The following LEKR1 variants were observed in gnomAD, a reference collection of about 807,000 sequenced individuals.
LEKR1 encodes the protein protein LEKR1.
A neutral mutation model predicts 72.4 loss-of-function variants in LEKR1; 59 were observed. The ratio of observed to expected loss-of-function variants is 0.82; its 90% confidence interval spans 0.66 to 1.01. The LOEUF is 1.01. LEKR1 is among the 50% of genes least tolerant of loss of function. LEKR1 has a pLI of 0.00. For synonymous variants in LEKR1, 257 were observed against 263.2 expected (o/e 0.98, Z 0.23); for missense variants, 728 against 759.2 (o/e 0.96, Z 0.48).
intron 2 of LEKR1, among the ~76,000 whole-genome samples, chr3:156,844,047 C>G (rs1212572118): frequency 1.3e-5 from 2 of 151,982 alleles, no homozygotes; most frequent in African/African-American, 4.8e-5. Context: ...GTCAAAAATA[C>G]TTTTGCCAAC....
chr3:156,934,580 A>G (rs1266099221), intron 5 of LEKR1, among the ~76,000 whole-genome samples: 1 of 152,222 alleles, frequency 6.6e-6, no homozygotes, highest in Non-Finnish European at 1.5e-5. Flanking sequence ...TATTGAATTT[A>G]TAAGAGGAAA....
At chr3:157,006,950 C>T (rs1174696832) in intron 9 of LEKR1, among the ~76,000 whole-genome samples, 1 of 152,130 alleles carries the variant, frequency 6.6e-6, no homozygotes, top group Non-Finnish European at 1.5e-5. Context: ...GCCTGTAATC[C>T]CAGCACTTTG....
intron 10 of LEKR1, among the ~76,000 whole-genome samples, chr3:157,019,676 G>T (rs1258314576): frequency 6.6e-6 from 1 of 151,898 alleles, no homozygotes; most frequent in African/African-American, 2.4e-5. Flanking sequence ...TATTTATTTT[G>T]CTCAAACATA....
At chr3:156,866,634 A>T (rs970505466) in intron 3 of LEKR1, among the ~76,000 whole-genome samples, 1 of 152,036 alleles carries the variant, frequency 6.6e-6, no homozygotes, top group African/African-American at 2.4e-5. Flanking sequence ...TGATAGGTGC[A>T]TGTAGTGCTT....
intron 6 of LEKR1, among the ~76,000 whole-genome samples, chr3:156,964,571 G>A (rs1728397853): frequency 6.6e-6 from 1 of 152,120 alleles, no homozygotes; most frequent in African/African-American, 2.4e-5. Flanking sequence ...AGTTAGTTCA[G>A]AGTAGTTTTG....
At chr3:156,911,511 G>C (rs1723107348) in intron 3 of LEKR1, among the ~76,000 whole-genome samples, 1 of 152,082 alleles carries the variant, frequency 6.6e-6, no homozygotes, top group African/African-American at 2.4e-5. Flanking sequence ...AGTTTAGTTA[G>C]GTCCCTTTAT....
At chr3:156,917,529 C>A (rs1001193474) in intron 3 of LEKR1, among the ~76,000 whole-genome samples, 12 of 152,080 alleles carry the variant, frequency 7.9e-5, no homozygotes, top group African/African-American at 2.9e-4. Context: ...CACCATATAT[C>A]ACACAAAGAA....
chr3:157,044,507 T>C (rs1205245842), intron 12 of LEKR1, among the ~76,000 whole-genome samples: 2 of 152,246 alleles, frequency 1.3e-5, no homozygotes, highest in African/African-American at 2.4e-5. Flanking sequence ...TCAAGTGAGA[T>C]TCAACCCTTG....
At chr3:156,998,751 T>C (rs749309451) in intron 9 of LEKR1, among the ~76,000 whole-genome samples, 15 of 152,166 alleles carry the variant, frequency 9.9e-5, no homozygotes, top group Non-Finnish European at 1.9e-4. Flanking sequence ...AGCATAATTT[T>C]TAAGCTACAG....
intron 12 of LEKR1, among the ~76,000 whole-genome samples, chr3:157,037,800 T>C (rs1287015547): frequency 1.3e-5 from 2 of 151,980 alleles, no homozygotes; most frequent in African/African-American, 4.8e-5. Flanking sequence ...TTAGATGGGG[T>C]AGTAAGAGGA....
intron 3 of LEKR1, among the ~76,000 whole-genome samples, chr3:156,904,601 G>T (rs1320301270): frequency 6.6e-6 from 1 of 150,554 alleles, no homozygotes; most frequent in Non-Finnish European, 1.5e-5. Flanking sequence ...CTGGACTGCA[G>T]ACACGCCACA....
At chr3:157,006,053 C>T (rs1732402589) in intron 9 of LEKR1, among the ~76,000 whole-genome samples, 1 of 150,178 alleles carries the variant, frequency 6.7e-6, no homozygotes, top group Admixed American at 6.6e-5. Flanking sequence ...GGCCGGACTG[C>T]GGACTGCAGT....
At chr3:156,918,610 A>G (rs1203211031) in intron 3 of LEKR1, among the ~76,000 whole-genome samples, 1 of 152,134 alleles carries the variant, frequency 6.6e-6, no homozygotes, top group Admixed American at 6.6e-5. Flanking sequence ...ATGTGAGATT[A>G]TATATATATT....
At chr3:157,043,991 C>T (rs1735563192) in intron 12 of LEKR1, among the ~76,000 whole-genome samples, 1 of 152,124 alleles carries the variant, frequency 6.6e-6, no homozygotes, top group South Asian at 2.1e-4. Context: ...ATTTTGATTA[C>T]CAAATTTGGA....
chr3:156,936,551 C>A (rs576491014), intron 5 of LEKR1, among the ~76,000 whole-genome samples: 1 of 151,740 alleles, frequency 6.6e-6, no homozygotes, highest in Non-Finnish European at 1.5e-5. Context: ...TTTTTTCTAT[C>A]GTATTCGTTT....
intron 6 of LEKR1, among the ~76,000 whole-genome samples, chr3:156,973,558 TA>T (rs1576927248): frequency 6.6e-6 from 1 of 151,898 alleles, no homozygotes; most frequent in African/African-American, 2.4e-5. Context: ...AGAGAGAAAA[TA>T]ACTGGGTCAC....
At chr3:157,025,896 G>A (rs1233927675) in intron 11 of LEKR1, among the ~76,000 whole-genome samples, 3 of 151,564 alleles carry the variant, frequency 2.0e-5, no homozygotes, top group East Asian at 1.9e-4. Context: ...CTAGTGTGAC[G>A]GTTCATACCT....
At chr3:157,045,254 G>A in intron 12 of LEKR1, 86 bp from the exon 13 acceptor site, 1 of 1,140,374 alleles carries the variant, frequency 8.8e-7, no homozygotes, top group East Asian at 2.4e-5. Flanking sequence ...TTCCAGTTCT[G>A]TTCTCAAATT....
At position 156,992,734 on chromosome 3, in the gene LEKR1, T is replaced by C; in HGVS notation, c.905+4T>C. 1 of 840,660 alleles carries C rather than the reference T, an allele frequency of 1.2e-6. No individual in the cohort carries two copies. The highest frequency in any genetic ancestry group is 1.5e-6 in the Non-Finnish European group (1 of 656,192). The allele number at this position is 840,660 out of a possible 1,614,324, so 52.1% of individuals were successfully genotyped here. Reference sequence around the variant, plus strand: ...AATCCATTATTTCTGAGTCACAGTATGCATTACCAATTTTTAAATTTATAT... The same window carrying C: ...AATCCATTATTTCTGAGTCACAGTACGCATTACCAATTTTTAAATTTATAT... On this transcript the variant is annotated splice_donor_region_variant and intron_variant, in intron 8 of 12. Transcript: ENST00000356539.
Sources: gnomAD v4.1 joint callset for allele counts (sites outside exome capture counted in the v4.1 genomes callset) on GRCh38, gnomAD v4.1.1 for gene constraint, MANE v1.5 for transcripts, NCBI Gene and HGNC (gene_info 2026-07-23, HGNC 2026-07-21) for gene names.